Variants in KYNU observed in about 807,000 individuals in gnomAD.
The protein encoded by KYNU is L-kynurenine hydrolase.
Under a neutral mutation model 59.2 loss-of-function variants are expected in KYNU, and 54 were observed. That is an observed-to-expected ratio of 0.91 (90% CI 0.73 to 1.14). KYNU has a LOEUF of 1.14. Among genes scored for constraint, KYNU ranks in the 50% most tolerant of loss-of-function variants. The probability of loss-of-function intolerance (pLI) is 0.00; values close to 1 mark genes in which losing one functional copy is unlikely to be tolerated. For missense variants in KYNU, 567 were observed against 554.4 expected, an observed-to-expected ratio of 1.02 and a Z score of -0.23; for synonymous variants, 177 against 192.0, an observed-to-expected ratio of 0.92 and a Z score of 0.65.
intron 2 of KYNU, among the ~76,000 whole-genome samples, chr2:142,916,035 A>G (rs1270705170): frequency 6.6e-6 from 1 of 152,130 alleles, no homozygotes; most frequent in Non-Finnish European, 1.5e-5. Flanking sequence ...AGAGGCCTAG[A>G]ACATATTCTT....
At chr2:142,975,673 G>T (rs976648174) in intron 8 of KYNU, among the ~76,000 whole-genome samples, 1 of 152,174 alleles carries the variant, frequency 6.6e-6, no homozygotes, top group Non-Finnish European at 1.5e-5. Flanking sequence ...CACCCAGGTC[G>T]CAAATCCTCT....
Position 143,042,900 on chromosome 2 carries a change from C to G in KYNU, c.*728C>G, listed in dbSNP as rs1687098215. The stretch of plus-strand genomic sequence containing the variant: ...TTCTCGTTACCATCTATGAAATTAG[C>G]ATGCATCTCAAATAAACAGTTACCA... On this transcript the variant is annotated 3_prime_UTR_variant, in exon 14 of 14. Coordinates refer to ENST00000264170, the MANE Select transcript of KYNU (RefSeq NM_003937.3). The G allele has an allele frequency of 6.6e-6, 1 of 151,480 alleles. No homozygotes were observed. Among genetic ancestry groups the G allele is most frequent in the East Asian group, 1.9e-4 (1 of 5,156 alleles). 9.4% of individuals were successfully genotyped at this position (151,480 alleles called of 1,614,324 possible).
At chr2:142,949,601 G>A (rs1222218279) in intron 4 of KYNU, among the ~76,000 whole-genome samples, 6 of 152,182 alleles carry the variant, frequency 3.9e-5, no homozygotes, top group Non-Finnish European at 8.8e-5. Context: ...TGGCTGGAGT[G>A]GCTGGGACTC....
intron 2 of KYNU, among the ~76,000 whole-genome samples, chr2:142,909,918 A>G (rs1401008813): frequency 1.3e-5 from 2 of 152,104 alleles, no homozygotes; most frequent in East Asian, 1.9e-4. Flanking sequence ...CATTCCCACC[A>G]ATGATGTATA....
At chr2:142,989,841 T>A (rs1685343944) in intron 10 of KYNU, 1 of 151,908 alleles carries the variant, frequency 6.6e-6, no homozygotes, top group Non-Finnish European at 1.5e-5. Flanking sequence ...AACATTGCAT[T>A]TTAGAAGTCT....
intron 4 of KYNU, among the ~76,000 whole-genome samples, chr2:142,941,631 G>A (rs1683604046): frequency 1.3e-5 from 2 of 152,148 alleles, no homozygotes; most frequent in South Asian, 4.1e-4. Flanking sequence ...GGAAGGGTGT[G>A]ATAGCTCCTA....
At chr2:142,999,007 CAAAAAAAAA>C (rs59742828) in intron 10 of KYNU, among the ~76,000 whole-genome samples, 47 of 63,476 alleles carry the variant, frequency 7.4e-4, no homozygotes, top group Admixed American at 3.6e-3. Context: ...GACTCCGTCT[CAAAAAAAAA>C]AAAAAAAAAA....
intron 4 of KYNU, among the ~76,000 whole-genome samples, chr2:142,945,393 A>G (rs969052938): frequency 1.3e-5 from 2 of 152,236 alleles, no homozygotes; most frequent in Non-Finnish European, 2.9e-5. Context: ...CACTTTCGTA[A>G]GAGGCAACCC....
intron 13 of KYNU, among the ~76,000 whole-genome samples, chr2:143,041,534 T>A (rs1573925224): frequency 1.3e-5 from 2 of 152,032 alleles, no homozygotes; most frequent in Non-Finnish European, 2.9e-5. Flanking sequence ...CTATAGCAGG[T>A]GTTTTCTAAA....
In KYNU at chr2:143,046,421, C is replaced by A. The variant is rs185447321; in HGVS notation, c.*4249C>A. 1.3e-3 allele frequency: 204 copies of A among 152,134 alleles called. No individual in the cohort carries two copies. Among genetic ancestry groups the A allele is most frequent in the African/African-American group, 4.7e-3 (196 of 41,506 alleles). The allele number at this position is 152,134 out of a possible 1,614,324, so 9.4% of individuals were successfully genotyped here. ...ATTTGTTTTAGGGAAGAGTCATAAA[C>A]CATCTTTAAGTTCTCCTATGTTACA... On this transcript the variant is annotated 3_prime_UTR_variant, in exon 14 of 14. Transcript: ENST00000264170.
At position 143,049,259 on chromosome 2, in the gene KYNU, G is replaced by C. The variant is rs1438770052; in HGVS notation, c.*7087G>C. Reference sequence around the variant, plus strand: ...TTTCTAAAAGTTTCATTAGATTTCTGTTCAAAATTCCTTCCATTTGTGATC... The same window carrying C: ...TTTCTAAAAGTTTCATTAGATTTCTCTTCAAAATTCCTTCCATTTGTGATC... On this transcript the variant is annotated 3_prime_UTR_variant, in exon 14 of 14. Transcript: ENST00000264170. 6.6e-6 allele frequency: 1 copy of C among 152,004 alleles called. No homozygotes were observed. Among genetic ancestry groups the C allele is most frequent in the Non-Finnish European group, 1.5e-5 (1 of 68,008 alleles). The allele number at this position is 152,004 out of a possible 1,614,324, so 9.4% of individuals were successfully genotyped here.
At chr2:143,038,082 T>A (rs1686937465) in intron 12 of KYNU, among the ~76,000 whole-genome samples, 1 of 152,192 alleles carries the variant, frequency 6.6e-6, no homozygotes, top group Admixed American at 6.5e-5. Context: ...CCTACGCCCC[T>A]TTAAAAACTA....
At chr2:142,909,019 T>A (rs1455958525) in intron 2 of KYNU, among the ~76,000 whole-genome samples, 2 of 152,250 alleles carry the variant, frequency 1.3e-5, no homozygotes, top group Non-Finnish European at 2.9e-5. Context: ...CATATCAATA[T>A]ATGTATGACA....
intron 10 of KYNU, among the ~76,000 whole-genome samples, chr2:143,017,434 C>CTTTTTTTTTTTTTT (rs1184177776): frequency 1.6e-4 from 11 of 68,456 alleles, no homozygotes; most frequent in Admixed American, 6.7e-4. Context: ...TCTCTTTTTT[C>CTTTTTTTTTTTTTT]TTTTTTTTTT....
At position 143,054,818 on chromosome 2, in the gene KYNU, G is replaced by A. The variant is rs2104937719; in HGVS notation, c.*12646G>A. On this transcript the variant is annotated 3_prime_UTR_variant, in exon 14 of 14. Coordinates refer to ENST00000264170, the MANE Select transcript of KYNU (RefSeq NM_003937.3). ...ACAATAGGAGGCAGGTAGGGAGAAG[G>A]CACTACCCTGAATTATGAGACTGAA... is the stretch of plus-strand genomic sequence containing the variant. 6.6e-6 allele frequency: 1 copy of A among 152,266 alleles called. No homozygotes were observed. Among genetic ancestry groups the A allele is most frequent in the East Asian group, 1.9e-4 (1 of 5,180 alleles). The allele number at this position is 152,266 out of a possible 1,614,324, so 9.4% of individuals were successfully genotyped here.
At chr2:142,904,472 A>G (rs1390409139) in intron 2 of KYNU, among the ~76,000 whole-genome samples, 2 of 152,198 alleles carry the variant, frequency 1.3e-5, no homozygotes, top group African/African-American at 4.8e-5. Context: ...GGCTGCAGTT[A>G]TGGCAGCACT....
chr2:143,006,731 C>G (rs1018360095), intron 10 of KYNU, among the ~76,000 whole-genome samples: 1 of 151,678 alleles, frequency 6.6e-6, no homozygotes, highest in Non-Finnish European at 1.5e-5. Context: ...ACTGCCTCCT[C>G]AAGTGGGTTC....
chr2:142,975,079 A>G (rs1684845934), intron 8 of KYNU, among the ~76,000 whole-genome samples: 1 of 152,164 alleles, frequency 6.6e-6, no homozygotes, highest in South Asian at 2.1e-4. Context: ...CCTGGAGACC[A>G]TGGCCCTAAA....
intron 10 of KYNU, among the ~76,000 whole-genome samples, chr2:143,018,612 C>T (rs1686325512): frequency 6.6e-6 from 1 of 152,030 alleles, no homozygotes; most frequent in Non-Finnish European, 1.5e-5. Flanking sequence ...ATTGCTTTGT[C>T]TATTTGGGCT....
Sources: gnomAD v4.1 joint callset for allele counts (sites outside exome capture counted in the v4.1 genomes callset) on GRCh38, gnomAD v4.1.1 for gene constraint, MANE v1.5 for transcripts, NCBI Gene and HGNC (gene_info 2026-07-23, HGNC 2026-07-21) for gene names.